CNBD1: variants seen among roughly 807,000 people sequenced by gnomAD.
The protein encoded by CNBD1 is cyclic nucleotide-binding domain-containing protein 1.
CNBD1 carries 71 observed loss-of-function variants against 54.4 expected under a neutral mutation model. That is an observed-to-expected ratio of 1.30 (90% confidence interval 1.08 to 1.59). The LOEUF (loss-of-function observed/expected upper bound fraction) is 1.59, where lower values mean the gene tolerates loss of function less well. Among genes scored for constraint, CNBD1 ranks in the 40% most tolerant of loss-of-function variants. The probability of loss-of-function intolerance (pLI) is 0.00; values close to 1 mark genes in which losing one functional copy is unlikely to be tolerated. For synonymous variants in CNBD1, 182 were observed against 170.7 expected (o/e 1.07, Z -0.51); for missense variants, 659 against 518.0 (o/e 1.27, Z -2.64).
chr8:87,068,707 C>T (rs2130649166), intron 4 of CNBD1, among the ~76,000 whole-genome samples: 1 of 152,102 alleles, frequency 6.6e-6, no homozygotes, highest in East Asian at 1.9e-4. Flanking sequence ...TTAGGTAGAG[C>T]ATTATTAAAG....
chr8:87,018,983 A>C (rs1809426585), intron 4 of CNBD1, among the ~76,000 whole-genome samples: 1 of 152,264 alleles, frequency 6.6e-6, no homozygotes. Context: ...TTACTATAAA[A>C]TTAAAGGAAA....
chr8:87,212,972 T>G (rs961910967), intron 5 of CNBD1, among the ~76,000 whole-genome samples: 4 of 152,130 alleles, frequency 2.6e-5, no homozygotes, highest in African/African-American at 9.7e-5. Flanking sequence ...GGGTCTCATG[T>G]CCAGAATATG....
At chr8:87,301,176 A>G (rs1305356320) in intron 8 of CNBD1, among the ~76,000 whole-genome samples, 1 of 152,162 alleles carries the variant, frequency 6.6e-6, no homozygotes, top group Non-Finnish European at 1.5e-5. Flanking sequence ...TGAACAGACT[A>G]ATAACAAGCA....
At chr8:86,949,959 T>G (rs1236466758) in intron 4 of CNBD1, among the ~76,000 whole-genome samples, 3 of 128,964 alleles carry the variant, frequency 2.3e-5, no homozygotes, top group Admixed American at 7.8e-5. Context: ...TTTTTTTTTT[T>G]TTTTTTTTTT....
intron 4 of CNBD1, among the ~76,000 whole-genome samples, chr8:86,992,049 A>G (rs1271009110): frequency 6.6e-6 from 1 of 152,020 alleles, no homozygotes; most frequent in African/African-American, 2.4e-5. Flanking sequence ...GTAAATTTTG[A>G]GTCTAGATGT....
chr8:86,951,190 C>T (rs979357328), intron 4 of CNBD1, among the ~76,000 whole-genome samples: 5 of 152,006 alleles, frequency 3.3e-5, no homozygotes, highest in South Asian at 2.1e-4. Flanking sequence ...TTATTAAATT[C>T]GTAGTTATTT....
chr8:87,247,378 C>T (rs1807827048), intron 6 of CNBD1, among the ~76,000 whole-genome samples: 2 of 152,118 alleles, frequency 1.3e-5, no homozygotes, highest in African/African-American at 4.8e-5. Flanking sequence ...GTAAGACGGC[C>T]CTGGCTGTGT....
intron 6 of CNBD1, among the ~76,000 whole-genome samples, chr8:87,246,666 G>A (rs1402975506): frequency 6.6e-6 from 1 of 152,006 alleles, no homozygotes; most frequent in East Asian, 1.9e-4. Flanking sequence ...CTTTTAGAAT[G>A]CTGAATTTCT....
intron 6 of CNBD1, among the ~76,000 whole-genome samples, chr8:87,275,778 A>C (rs561794009): frequency 1.3e-5 from 2 of 151,692 alleles, no homozygotes; most frequent in Non-Finnish European, 2.9e-5. Context: ...AGAGGAAGTC[A>C]AATTGTCCCT....
chr8:87,287,137 G>A (rs1808714288), intron 8 of CNBD1, among the ~76,000 whole-genome samples: 1 of 152,162 alleles, frequency 6.6e-6, no homozygotes, highest in African/African-American at 2.4e-5. Context: ...GAATGAGTGA[G>A]GCCTAGATAA....
At chr8:87,156,937 CACCT>C (rs1285160592) in intron 4 of CNBD1, among the ~76,000 whole-genome samples, 1 of 152,132 alleles carries the variant, frequency 6.6e-6, no homozygotes, top group East Asian at 1.9e-4. Flanking sequence ...TGATGAAAAT[CACCT>C]ACCTGAGAGT....
chr8:86,955,941 T>C (rs1198257455), intron 4 of CNBD1, among the ~76,000 whole-genome samples: 1 of 152,218 alleles, frequency 6.6e-6, no homozygotes, highest in African/African-American at 2.4e-5. Context: ...CTAGGTTTTC[T>C]TCTAGGGTTT....
chr8:86,896,729 G>C (rs1808853486), intron 2 of CNBD1, among the ~76,000 whole-genome samples: 1 of 152,084 alleles, frequency 6.6e-6, no homozygotes, highest in Non-Finnish European at 1.5e-5. Context: ...ACTCTTTGCA[G>C]CTTCCTGTCA....
chr8:87,197,757 A>G (rs75193559), intron 4 of CNBD1, among the ~76,000 whole-genome samples: 5,475 of 152,316 alleles, frequency 0.036, 325 homozygotes, highest in African/African-American at 0.11. Flanking sequence ...TCATTCATCA[A>G]AATGATAAAG....
At chr8:87,286,065 T>A (rs138885824) in intron 7 of CNBD1, among the ~76,000 whole-genome samples, 9 of 152,162 alleles carry the variant, frequency 5.9e-5, no homozygotes, top group Non-Finnish European at 1.3e-4. Flanking sequence ...GGAATTCTTG[T>A]GATTTAGTGG....
chr8:86,921,297 A>C (rs184234696), intron 3 of CNBD1, among the ~76,000 whole-genome samples: 93 of 152,150 alleles, frequency 6.1e-4, no homozygotes, highest in African/African-American at 2.1e-3. Context: ...TATAAAACCC[A>C]TATTTTCTCT....
intron 2 of CNBD1, among the ~76,000 whole-genome samples, chr8:86,896,097 A>G (rs1364745879): frequency 1.3e-5 from 2 of 152,158 alleles, no homozygotes; most frequent in Non-Finnish European, 2.9e-5. Flanking sequence ...AGATAGGGGT[A>G]CAATTTCATT....
chr8:87,342,278 GA>G (rs59161814), intron 8 of CNBD1, among the ~76,000 whole-genome samples: 70,750 of 138,378 alleles, frequency 0.51, 17,683 homozygotes, highest in African/African-American at 0.64. Context: ...ATCTCAAAAA[GA>G]AAAAAAAAAA....
At chr8:87,225,108 T>C (rs376699081) in intron 5 of CNBD1, among the ~76,000 whole-genome samples, 14,781 of 150,528 alleles carry the variant, frequency 0.098, 2,208 homozygotes, top group African/African-American at 0.32. Context: ...CCTGAGACTT[T>C]GCTGAAGTTG....
Sources: allele counts gnomAD v4.1 joint callset (sites outside exome capture counted in the v4.1 genomes callset), GRCh38; gene constraint gnomAD v4.1.1; transcripts MANE v1.5; gene names NCBI Gene and HGNC (gene_info 2026-07-23, HGNC 2026-07-21).